ZSCAN4: variants seen among roughly 807,000 people sequenced by gnomAD.
The protein encoded by ZSCAN4 is zinc finger and SCAN domain-containing protein 4.
In ZSCAN4, 18 loss-of-function variants were observed where a neutral mutation model predicts 18.3. The observed-to-expected ratio is 0.98, with a 90% CI of 0.68 to 1.46. The LOEUF is 1.46. ZSCAN4 is among the 40% of genes most tolerant of loss of function. The pLI, the probability that ZSCAN4 is intolerant of heterozygous loss-of-function variation, is 0.00. For synonymous variants in ZSCAN4, 193 were observed against 180.3 expected (o/e 1.07, Z -0.57); for missense variants, 498 against 511.4 (o/e 0.97, Z 0.25).
At chr19:57,654,823 C>T in the ZSCAN4 span, among the ~76,000 whole-genome samples, 10 of 152,162 alleles carry the variant, frequency 6.6e-5, no homozygotes, top group Non-Finnish European at 1.3e-4. Context: ...CTCACACATC[C>T]GCACAGCTAA....
the ZSCAN4 span, among the ~76,000 whole-genome samples, chr19:57,659,401 T>TC: frequency 7.2e-5 from 11 of 151,976 alleles, no homozygotes; most frequent in Admixed American, 1.3e-4. Flanking sequence ...ATAATTTTTT[T>TC]TGAGGGGCAG....
rs867764924 is a variant in ZSCAN4 at position 57,675,127 on chromosome 19, G to T, written c.-105-914G>T. 8.9e-5 allele frequency among the ~76,000 whole-genome samples: 12 copies of T among 134,406 alleles called. 1 individual carries two copies. In the South Asian group the frequency reaches 2.2e-3, roughly 25 times the overall value. 88.2% of individuals were successfully genotyped at this position (134,406 alleles called of 152,430 possible). A position where few individuals can be genotyped will look rare whatever the true frequency, so the allele number is the denominator to read the frequency against. Reference sequence around the variant, plus strand: ...GTGCCACCATACCCAGCTAAGTTTTGTGTGTGCGTGTGGCTTTTTTTTTTT... The same window carrying T: ...GTGCCACCATACCCAGCTAAGTTTTTTGTGTGCGTGTGGCTTTTTTTTTTT... On this transcript the variant is annotated intron_variant, in intron 2 of 4. Transcript: ENST00000318203.
the ZSCAN4 span, among the ~76,000 whole-genome samples, chr19:57,659,336 T>A: frequency 6.6e-6 from 1 of 152,326 alleles, no homozygotes; most frequent in East Asian, 1.9e-4. Context: ...TTTAATTTTG[T>A]GTGTTGATAT....
exon 4 of ZSCAN4, chr19:57,677,964 C>T (rs1984237562): frequency 6.3e-7 from 1 of 1,594,332 alleles, no homozygotes; most frequent in African/African-American, 1.4e-5. Context: ...AGGATATGCC[C>T]TTAAGAGATG....
In ZSCAN4 at chr19:57,678,727, AGT is replaced by A; in HGVS notation, c.1125_1126del (p.Lys375AsnfsTer12). 3.1e-6 allele frequency: 5 copies of A among 1,614,182 alleles called. No homozygotes were observed. The highest frequency in any genetic ancestry group is 4.2e-6 in the Non-Finnish European group (5 of 1,180,022). ...CCTTTCACATGCAGCATGTGTAAAA[AGT>A]CCTTCAGCCACAAAACCAACCTGCG... On this transcript the variant is annotated frameshift_variant, in exon 5 of 5. Coordinates refer to ENST00000318203, the Ensembl canonical transcript of ZSCAN4. LOFTEE classifies it low-confidence loss of function (END_TRUNC).
At chr19:57,676,939 C>A (rs746270794) in intron 3 of ZSCAN4, among the ~76,000 whole-genome samples, 1 of 152,096 alleles carries the variant, frequency 6.6e-6, no homozygotes, top group South Asian at 2.1e-4. Context: ...CCACCAAGGC[C>A]GGCTAATTTT....
At chr19:57,667,078 C>A (rs1983875888), upstream of ZSCAN4, among the ~76,000 whole-genome samples, 1 of 152,196 alleles carries the variant, frequency 6.6e-6, no homozygotes, top group Admixed American at 6.5e-5. Context: ...CCAAAGGCAG[C>A]ACTACCTGCC....
At chr19:57,652,427 T>G in the ZSCAN4 span, among the ~76,000 whole-genome samples, 1 of 152,174 alleles carries the variant, frequency 6.6e-6, no homozygotes, top group Admixed American at 6.5e-5. Flanking sequence ...GTCCTCTCTC[T>G]GTCAATCCTG....
upstream of ZSCAN4, among the ~76,000 whole-genome samples, chr19:57,666,308 G>T (rs1983846680): frequency 6.6e-6 from 1 of 152,062 alleles, no homozygotes; most frequent in Non-Finnish European, 1.5e-5. Context: ...TGGAAGCATT[G>T]GATAAGCTTC....
intron 2 of ZSCAN4, among the ~76,000 whole-genome samples, chr19:57,675,368 G>C (rs1322157822): frequency 6.6e-6 from 1 of 151,912 alleles, no homozygotes; most frequent in Admixed American, 6.6e-5. Flanking sequence ...GGCTGGTCTC[G>C]AAATCCTGAC....
chr19:57,674,910 C>T (rs1406440377), intron 2 of ZSCAN4, among the ~76,000 whole-genome samples: 1 of 150,246 alleles, frequency 6.7e-6, no homozygotes, highest in Admixed American at 6.6e-5. Flanking sequence ...AAACTTTTAA[C>T]AATAAATTTT....
the ZSCAN4 span, among the ~76,000 whole-genome samples, chr19:57,653,070 C>T: frequency 4.6e-5 from 7 of 152,162 alleles, no homozygotes; most frequent in African/African-American, 1.7e-4. Context: ...CTTCCCCAGA[C>T]AGGTAAAGGC....
intron 2 of ZSCAN4, among the ~76,000 whole-genome samples, chr19:57,673,643 A>G (rs183705102): frequency 3.9e-4 from 59 of 152,156 alleles, no homozygotes; most frequent in Middle Eastern, 3.4e-3. Flanking sequence ...AAATAAATCA[A>G]GTTTGCACCA....
intron 2 of ZSCAN4, among the ~76,000 whole-genome samples, chr19:57,673,053 T>A (rs28835297): frequency 0.015 from 2,313 of 152,140 alleles, 43 homozygotes; most frequent in African/African-American, 0.047. Context: ...TTAATTTATT[T>A]ATTTATTTAT....
chr19:57,652,063 C>A, the ZSCAN4 span, among the ~76,000 whole-genome samples: 3 of 152,136 alleles, frequency 2.0e-5, no homozygotes, highest in Non-Finnish European at 4.4e-5. Context: ...TGCCCCAGCT[C>A]TTCTCCATCC....
rs148777892 is a variant in ZSCAN4 at position 57,674,580 on chromosome 19, CTT to C, written c.-105-1460_-105-1459del. Among the ~76,000 whole-genome samples the C allele has an allele frequency of 9.6e-3, 1,462 of 152,284 alleles. 43 individuals carry two copies. The highest frequency in any genetic ancestry group is 0.055 in the Admixed American group (838 of 15,290). ...TTATCCAGTCAACCACTGGTAGACT[CTT>C]AGGTTGGTTCCATGACTTTGCTCCT... On this transcript the variant is annotated intron_variant, in intron 2 of 4. Coordinates refer to ENST00000318203, the Ensembl canonical transcript of ZSCAN4.
exon 5 of ZSCAN4, chr19:57,679,134 G>C (rs1984286598): frequency 3.0e-6 from 1 of 334,746 alleles, no homozygotes; most frequent in Non-Finnish European, 5.3e-6. Flanking sequence ...AATTTCTGTT[G>C]AATAAATGAA....
At chr19:57,674,863 C>T (rs1484599021) in intron 2 of ZSCAN4, among the ~76,000 whole-genome samples, 1 of 151,830 alleles carries the variant, frequency 6.6e-6, no homozygotes, top group East Asian at 1.9e-4. Flanking sequence ...GGTTAGGGAG[C>T]AATCCAATGT....
chr19:57,678,884 C>A, exon 5 of ZSCAN4: 1 of 1,601,216 alleles, frequency 6.2e-7, no homozygotes, highest in South Asian at 1.1e-5. Flanking sequence ...CAAGTGTTCC[C>A]TCCACACCAG....
Sources: allele counts gnomAD v4.1 joint callset (sites outside exome capture counted in the v4.1 genomes callset), GRCh38; gene constraint gnomAD v4.1.1; transcripts MANE v1.5; gene names NCBI Gene and HGNC (gene_info 2026-07-23, HGNC 2026-07-21).